DKK4: variants seen among roughly 807,000 people sequenced by gnomAD.
The protein encoded by DKK4 is dickkopf-related protein 4.
A neutral mutation model predicts 14.5 loss-of-function variants in DKK4; 15 were observed. The observed-to-expected ratio is 1.03, with a 90% CI of 0.69 to 1.59. The LOEUF (loss-of-function observed/expected upper bound fraction) is 1.59, where lower values mean the gene tolerates loss of function less well. DKK4 is among the 40% of genes most tolerant of loss of function. The pLI, the probability that DKK4 is intolerant of heterozygous loss-of-function variation, is 0.00. For missense variants in DKK4, 272 were observed against 280.3 expected (o/e 0.97, Z 0.21); for synonymous variants, 89 against 105.2 (o/e 0.85, Z 0.94).
At chr8:42,390,068 A>AT in the DKK4 span, among the ~76,000 whole-genome samples, 5 of 151,928 alleles carry the variant, frequency 3.3e-5, no homozygotes, top group East Asian at 9.7e-4. Flanking sequence ...AATTTTCTGT[A>AT]TTTTTACTAG....
rs201984841 is a variant in DKK4, at chr8:42,375,773, G to C, written c.169C>G (p.Arg57Gly). 6.2e-7 allele frequency: 1 copy of C among 1,614,108 alleles called. No homozygotes were observed. Among genetic ancestry groups the C allele is most frequent in the South Asian group, 1.1e-5 (1 of 91,078 alleles). The change falls in exon 2 of 4, where the codon CGC becomes GGC. Residue 57 changes from arginine (R) to glycine (G), a missense_variant. By Grantham distance (125) the Arg-to-Gly change is moderately radical. Transcript: ENST00000220812. The part of the protein sequence containing the change: ...CNTRKFCLQP[R>G]DEKPFCATCR... The stretch of plus-strand genomic sequence containing the variant: ...GTAGCACAGAACGGCTTCTCATCGC[G>C]GGGCTGGAGGCAGAACTTTCTGGTA...
At chr8:42,381,353 C>T (rs1457304204), upstream of DKK4, among the ~76,000 whole-genome samples, 1 of 152,172 alleles carries the variant, frequency 6.6e-6, no homozygotes, top group Non-Finnish European at 1.5e-5. Flanking sequence ...GCACAATCAA[C>T]TGTTTGCAGG....
chr8:42,376,969 A>T lies in DKK4; in HGVS notation c.77T>A (p.Ile26Asn), dbSNP rs1554539416. 2.5e-6 allele frequency: 4 copies of T among 1,613,714 alleles called. No homozygotes were observed. Among genetic ancestry groups the T allele is most frequent in the Non-Finnish European group, 3.4e-6 (4 of 1,179,978 alleles). The change falls in exon 1 of 4, where the codon ATC (isoleucine) becomes AAC (asparagine). Residue 26 changes from isoleucine to asparagine, a missense_variant. Physicochemically the swap from Ile to Asn is moderately radical, Grantham distance 149 (BLOSUM62 -3). Coordinates refer to ENST00000220812, the MANE Select transcript of DKK4 (RefSeq NM_014420.3). ...LGALVLDFNNIRSSADLHGAR... is the reference protein window; with the variant it reads ...LGALVLDFNNNRSSADLHGAR... ...CCCATGCAGGTCAGCAGAGCTCCTG[A>T]TGTTGTTGAAGTCCAGGACCAGAGC...
At chr8:42,377,282 C>T (rs1824583938), upstream of DKK4, 4 of 504,972 alleles carry the variant, frequency 7.9e-6, no homozygotes, top group Non-Finnish European at 3.5e-6. Context: ...CTCCTCCCCG[C>T]TCCGTTCCTT....
rs776091344 is a variant in DKK4, at chr8:42,374,168, G to A, written c.607C>T (p.Arg203Ter). The A allele has an allele frequency of 9.3e-6, 15 of 1,613,352 alleles. No individual in the cohort carries two copies. The highest frequency in any genetic ancestry group is 1.8e-4 in the Middle Eastern group (1 of 5,676). ...RCDCGPGLLCRSQLTSNRQHA... is the reference protein window; with the variant it reads ...RCDCGPGLLC The stretch of plus-strand genomic sequence containing the variant: ...TGCCGATTGCTGGTCAATTGGCTTC[G>A]ACACAGTAGTCCAGGGCCACAGTCG... The change falls in exon 4 of 4, where the codon CGA (arginine) becomes TGA (stop). Residue 203 changes from arginine to a stop codon, truncating the protein, a stop_gained. Transcript: ENST00000220812. LOFTEE classifies it low-confidence loss of function (END_TRUNC).
chr8:42,374,294 A>G lies in DKK4; in HGVS notation c.481T>C (p.Phe161Leu). 3.7e-6 allele frequency: 6 copies of G among 1,612,260 alleles called. No homozygotes were observed. Among genetic ancestry groups the G allele is most frequent in the Non-Finnish European group, 5.1e-6 (6 of 1,178,990 alleles). ...CGPGLCCARH[F>L]WTKICKPVLL... ...ACTGGCTTACAAATTTTCGTCCAAA[A>G]ATGACGAGCACAGCAAAGTCCAGGG... Residue 161 changes from phenylalanine to leucine, a missense_variant, in exon 4 of 4, where the codon TTT (phenylalanine) becomes CTT (leucine). By Grantham distance (22) the Phe-to-Leu change is conservative (BLOSUM62 0). Transcript: ENST00000220812.
the DKK4 span, among the ~76,000 whole-genome samples, chr8:42,382,839 G>C: frequency 2.6e-5 from 4 of 152,340 alleles, no homozygotes; most frequent in South Asian, 8.3e-4. Flanking sequence ...AGAGGTCCCA[G>C]TTTCTGCACT....
Position 42,377,051 on chromosome 8 carries a change from A to C in DKK4, c.-6T>G, listed in dbSNP as rs1403243037. 3.1e-6 allele frequency: 5 copies of C among 1,611,380 alleles called. No homozygotes were observed. Among genetic ancestry groups the C allele is most frequent in the Non-Finnish European group, 4.2e-6 (5 of 1,179,666 alleles). ...AGCAGGACGGCCGCCACCATCCTTC[A>C]ATCCCGGGGCTCCTGGAGGGTCCCA... On this transcript the variant is annotated 5_prime_UTR_variant, in exon 1 of 4. It adds an upstream start codon to the 5' untranslated region. Transcript: ENST00000220812.
chr8:42,376,640 T>TGTGAGGAA (rs1358528257), intron 1 of DKK4, among the ~76,000 whole-genome samples: 2 of 152,174 alleles, frequency 1.3e-5, no homozygotes, highest in African/African-American at 4.8e-5. Flanking sequence ...GAAGAGTACA[T>TGTGAGGAA]GACGTATTAC....
the DKK4 span, among the ~76,000 whole-genome samples, chr8:42,390,893 C>G: frequency 2.0e-5 from 3 of 152,118 alleles, no homozygotes; most frequent in Non-Finnish European, 4.4e-5. Context: ...TGTGAAGGTA[C>G]CCTTTTCTCT....
the DKK4 span, among the ~76,000 whole-genome samples, chr8:42,389,316 G>T: frequency 1.3e-5 from 2 of 152,182 alleles, no homozygotes; most frequent in Non-Finnish European, 2.9e-5. Flanking sequence ...CACAGATGTG[G>T]AAACTGAGGC....
the DKK4 span, among the ~76,000 whole-genome samples, chr8:42,384,747 G>A: frequency 2.0e-5 from 3 of 152,018 alleles, no homozygotes; most frequent in African/African-American, 7.2e-5. Context: ...ACAACGAGGG[G>A]GCTGCAGACC....
chr8:42,374,801 G>T lies in DKK4; in HGVS notation c.375C>A (p.Pro125=). ...TTGHPVQENQ[P]KRKPSIKKSQ... is the part of the protein sequence containing the mutation. ...ATTTCTTAATACTTGGCTTCCTTTT[G>T]GGTTGGTTTTCCTGGACTGGGTGCC... Residue 125 remains proline, a synonymous_variant, in exon 3 of 4, where the codon CCC becomes CCA. Transcript: ENST00000220812. The T allele has an allele frequency of 6.2e-7, 1 of 1,614,146 alleles. No individual in the cohort carries two copies. Among genetic ancestry groups the T allele is most frequent in the South Asian group, 1.1e-5 (1 of 91,078 alleles).
At chr8:42,374,627 A>G in intron 3 of DKK4, 134 bp downstream of exon 3, 1 of 1,328,002 alleles carries the variant, frequency 7.5e-7, no homozygotes, top group Non-Finnish European at 1.0e-6. Context: ...TTACAGAAAG[A>G]GATAACAAAC....
chr8:42,374,471 C>T, intron 3 of DKK4, 112 bp from the exon 4 acceptor site: 1 of 1,406,850 alleles, frequency 7.1e-7, no homozygotes, highest in Non-Finnish European at 9.8e-7. Flanking sequence ...AAAGTAAAAA[C>T]AGACACAGCA....
chr8:42,376,967 T>C lies in DKK4; in HGVS notation c.79A>G (p.Arg27Gly). 6.2e-7 allele frequency: 1 copy of C among 1,613,778 alleles called. No homozygotes were observed. ...GCCCCATGCAGGTCAGCAGAGCTCC[T>C]GATGTTGTTGAAGTCCAGGACCAGA... Reference protein sequence around the residue: ...GALVLDFNNIRSSADLHGARK... With the variant: ...GALVLDFNNIGSSADLHGARK... The change falls in exon 1 of 4, where the codon AGG (arginine) becomes GGG (glycine). Residue 27 changes from arginine (R) to glycine (G), a missense_variant. Coordinates refer to ENST00000220812, the MANE Select transcript of DKK4 (RefSeq NM_014420.3).
the DKK4 span, among the ~76,000 whole-genome samples, chr8:42,387,406 G>A: frequency 3.9e-5 from 5 of 129,510 alleles, no homozygotes; most frequent in African/African-American, 1.4e-4. Flanking sequence ...TGCCCAGGCT[G>A]GAGTGCAATG....
intron 3 of DKK4, 63 bp downstream of exon 3, chr8:42,374,696 CCT>C: frequency 6.3e-7 from 1 of 1,599,696 alleles, no homozygotes; most frequent in Non-Finnish European, 8.6e-7. Flanking sequence ...CTCACCCTAT[CCT>C]TAAGAGGCTG....
rs1824524240 is a variant in DKK4 at position 42,374,765 on chromosome 8, C to T, written c.411G>A (p.Arg137=). ...RKPSIKKSQG[R]KGQEGESCLR... ...TGCTGCGAATGCTGTTCTTACCCTTCCTGCCTTGTGATTTCTTAATACTTG... is the reference window on the plus strand; with the variant it reads ...TGCTGCGAATGCTGTTCTTACCCTTTCTGCCTTGTGATTTCTTAATACTTG... Residue 137 remains arginine, a synonymous_variant, in exon 3 of 4, where the codon AGG becomes AGA. Coordinates refer to ENST00000220812, the MANE Select transcript of DKK4 (RefSeq NM_014420.3). The T allele has an allele frequency of 6.2e-7, 1 of 1,614,104 alleles. No individual in the cohort carries two copies. Among genetic ancestry groups the T allele is most frequent in the African/African-American group, 1.3e-5 (1 of 74,926 alleles).
Sources: gnomAD v4.1 joint callset for allele counts (sites outside exome capture counted in the v4.1 genomes callset) on GRCh38, gnomAD v4.1.1 for gene constraint, MANE v1.5 for transcripts, NCBI Gene and HGNC (gene_info 2026-07-23, HGNC 2026-07-21) for gene names.